Variants in HEXD observed in about 807,000 individuals in gnomAD.
HEXD encodes the protein N-acetyl-beta-galactosaminidase.
Under a neutral mutation model 54.2 loss-of-function variants are expected in HEXD, and 47 were observed. The ratio of observed to expected loss-of-function variants is 0.87; its 90% CI spans 0.69 to 1.11. The LOEUF (loss-of-function observed/expected upper bound fraction) is 1.11. Ranked by LOEUF, HEXD falls within the 50% of genes least tolerant of loss-of-function variation. The probability of loss-of-function intolerance (pLI) is 0.00; values close to 1 mark genes in which losing one functional copy is unlikely to be tolerated. For synonymous variants in HEXD, 293 were observed against 287.6 expected (o/e 1.02, Z -0.19); for missense variants, 576 against 649.2 (o/e 0.89, Z 1.23).
rs770539557 is a variant in HEXD at position 82,433,780 on chromosome 17, G to A, written c.405G>A (p.Glu135=). The A allele has an allele frequency of 8.7e-6, 14 of 1,613,090 alleles. No individual in the cohort carries two copies. Among genetic ancestry groups the A allele is most frequent in the Non-Finnish European group, 9.3e-6 (11 of 1,179,786 alleles). Residue 135 remains glutamate, a synonymous_variant, in exon 5 of 13, where the codon GAG becomes GAA. Transcript: ENST00000327949. The part of the protein sequence containing the change: ...LVGAMIDQVL[E]LHPGAQRLHI... ...GCGCCATGATTGACCAGGTCCTGGA[G>A]CTACACCCAGGCGCCCAGCGGCTGC...
At chr17:82,431,875 T>C (rs1290377003) in intron 4 of HEXD, among the ~76,000 whole-genome samples, 1 of 152,256 alleles carries the variant, frequency 6.6e-6, no homozygotes, top group East Asian at 1.9e-4. Flanking sequence ...TTTCAGTTAA[T>C]ACATTATAGC....
At chr17:82,431,401 T>A (rs2143511430) in intron 4 of HEXD, among the ~76,000 whole-genome samples, 1 of 151,836 alleles carries the variant, frequency 6.6e-6, no homozygotes, top group South Asian at 2.1e-4. Context: ...GCTCAGGTGA[T>A]CTTCCCGCCT....
At position 82,437,179 on chromosome 17, in the gene HEXD, C is replaced by T. The variant is rs2143590429; in HGVS notation, c.715C>T (p.Gln239Ter). The T allele has an allele frequency of 6.3e-7, 1 of 1,587,694 alleles. No individual in the cohort carries two copies. Among genetic ancestry groups the T allele is most frequent in the East Asian group, 2.3e-5 (1 of 44,280 alleles). The change falls in exon 8 of 13, where the codon CAG becomes TAG. Residue 239 changes from glutamine to a stop codon, truncating the protein, a stop_gained. Transcript: ENST00000327949. LOFTEE classifies it high-confidence loss of function. ...GCTTTCTCACCCAGTCCTCCTCATGCAGAAGTACCGGCGGTGCGGCTTTCC... is the reference window on the plus strand; with the variant it reads ...GCTTTCTCACCCAGTCCTCCTCATGTAGAAGTACCGGCGGTGCGGCTTTCC... ...LDVHGKVLLMQKYRRCGFPQL... is the reference protein window; with the variant it reads ...LDVHGKVLLM
intron 1 of HEXD, 54 bp from the exon 2 acceptor site, chr17:82,419,695 A>G: frequency 1.5e-6 from 1 of 658,600 alleles, no homozygotes; most frequent in Non-Finnish European, 2.7e-6. Flanking sequence ...ATAAGGAGAA[A>G]GGCAAAGGGA....
chr17:82,437,419 C>G (rs974553650), intron 8 of HEXD, 56 bp downstream of exon 8: 62 of 1,441,784 alleles, frequency 4.3e-5, no homozygotes, highest in Admixed American at 4.4e-5. Flanking sequence ...GTGGCCACCA[C>G]GTCGGCCTGT....
At chr17:82,431,002 C>A (rs2053561012) in intron 4 of HEXD, among the ~76,000 whole-genome samples, 1 of 151,944 alleles carries the variant, frequency 6.6e-6, no homozygotes, top group Admixed American at 6.6e-5. Flanking sequence ...CTTGAACATC[C>A]AAGTTATTTG....
intron 2 of HEXD, chr17:82,420,093 AAAGAC>A: frequency 5.2e-6 from 2 of 382,318 alleles, no homozygotes; most frequent in African/African-American, 2.1e-5. Flanking sequence ...GAAAAAAAAA[AAAGAC>A]AGAGAACAAA....
At chr17:82,424,551 AG>A (rs749391922) in intron 3 of HEXD, 48 bp downstream of exon 3, 22 of 1,392,766 alleles carry the variant, frequency 1.6e-5, no homozygotes, top group Admixed American at 3.4e-5. Flanking sequence ...AAAGCGGGGA[AG>A]GGGGGGTTCC....
At chr17:82,430,549 G>C (rs986560326) in intron 4 of HEXD, among the ~76,000 whole-genome samples, 1 of 152,086 alleles carries the variant, frequency 6.6e-6, no homozygotes, top group African/African-American at 2.4e-5. Flanking sequence ...CACCATGCCC[G>C]GCTAACTTTT....
chr17:82,442,546 G>T lies in HEXD; in HGVS notation c.*162G>T. The T allele has an allele frequency of 6.3e-7, 1 of 1,586,170 alleles. No homozygotes were observed. The highest frequency in any genetic ancestry group is 8.6e-7 in the Non-Finnish European group (1 of 1,157,334). The stretch of plus-strand genomic sequence containing the variant: ...GGCCCTGGGCAGCCCCTGGGGGAGA[G>T]ACTAGAAAACACAGAAGGAAGCAGC... On this transcript the variant is annotated 3_prime_UTR_variant, in exon 13 of 13. Coordinates refer to ENST00000327949, the MANE Select transcript of HEXD (RefSeq NM_001330542.2). This position sits in a 1 kb window ranked among gnomAD's most constrained non-coding sequence, Gnocchi z 6.8.
chr17:82,433,094 ATATATATATATAT>A (rs2053639214), intron 4 of HEXD, among the ~76,000 whole-genome samples: 7 of 8,314 alleles, frequency 8.4e-4, no homozygotes, highest in African/African-American at 6.0e-3. Context: ...AAAAAAAAAT[ATATATATATATAT>A]ATATATATAT....
In HEXD at chr17:82,440,066, C is replaced by CG. The variant is rs772161991; in HGVS notation, c.982+354dup. On this transcript the variant is annotated intron_variant, in intron 9 of 12. Coordinates refer to ENST00000327949, the MANE Select transcript of HEXD (RefSeq NM_001330542.2). Reference sequence around the variant, plus strand: ...TGGCCGAGCAGGTGTGGGGCTCAGGCGCCCGGCCCTGGAAGGCCCCGCACC... The same window carrying CG: ...TGGCCGAGCAGGTGTGGGGCTCAGGCGGCCCGGCCCTGGAAGGCCCCGCACC... 140 of 1,298,910 alleles carry CG rather than the reference C, an allele frequency of 1.1e-4. 1 individual carries two copies. Among genetic ancestry groups the CG allele is most frequent in the Non-Finnish European group, 8.0e-6 (8 of 994,506 alleles). 80.5% of individuals were successfully genotyped at this position (1,298,910 alleles called of 1,614,324 possible). A position where few individuals can be genotyped will look rare whatever the true frequency, so the allele number is the denominator to read the frequency against.
chr17:82,435,574 T>G (rs938424583), intron 5 of HEXD, 115 bp from the exon 6 acceptor site: 17 of 1,040,044 alleles, frequency 1.6e-5, no homozygotes, highest in Non-Finnish European at 2.1e-5. Flanking sequence ...AGCCCCTCCC[T>G]GGCCTCCTCC....
At chr17:82,438,530 TGAC>T (rs1203389248) in intron 8 of HEXD, among the ~76,000 whole-genome samples, 1 of 152,230 alleles carries the variant, frequency 6.6e-6, no homozygotes, top group African/African-American at 2.4e-5. Flanking sequence ...CCTGCTCCCC[TGAC>T]GACACTGTGT....
rs920053110 is a variant in HEXD, at chr17:82,437,651, T to C, written c.899+288T>C. ...TGTGTGTGTGTGTGTGTGTGTGTCT[T>C]GCTTGTGGCACGAGGAGGGGTTTCG... On this transcript the variant is annotated intron_variant, in intron 8 of 12. Transcript: ENST00000327949. Among the ~76,000 whole-genome samples, 70 of 151,148 alleles carry C rather than the reference T, an allele frequency of 4.6e-4. 1 individual carries two copies. Among genetic ancestry groups the C allele is most frequent in the African/African-American group, 1.6e-3 (67 of 41,128 alleles).
intron 9 of HEXD, chr17:82,440,256 G>C: frequency 7.8e-7 from 1 of 1,287,648 alleles, no homozygotes. Flanking sequence ...GCGTGGTGCT[G>C]ATGCAGAAAG....
At chr17:82,424,163 G>A (rs1567883037) in intron 2 of HEXD, among the ~76,000 whole-genome samples, 1 of 152,192 alleles carries the variant, frequency 6.6e-6, no homozygotes, top group South Asian at 2.1e-4. Context: ...TTGAGTAGCA[G>A]CCCTGTTTCA....
At chr17:82,440,014 C>T in intron 9 of HEXD, 3 of 1,373,874 alleles carry the variant, frequency 2.2e-6, no homozygotes, top group Non-Finnish European at 1.9e-6. Context: ...ACGGCTCCAC[C>T]TTTGCTGCAC....
At chr17:82,439,930 G>A (rs969778853) in intron 9 of HEXD, 7 of 1,518,592 alleles carry the variant, frequency 4.6e-6, no homozygotes, top group Admixed American at 2.0e-5. Context: ...CCCAAAGCAG[G>A]CTGGAGAGTG....
Sources: gnomAD v4.1 joint callset for allele counts (sites outside exome capture counted in the v4.1 genomes callset) on GRCh38, gnomAD v4.1.1 for gene constraint, Gnocchi (gnomAD v3.1) non-coding constraint, MANE v1.5 for transcripts, NCBI Gene and HGNC (gene_info 2026-07-23, HGNC 2026-07-21) for gene names.